MSRA: variants seen among roughly 807,000 people sequenced by gnomAD.
MSRA encodes the protein methionine sulfoxide reductase A.
Under a neutral mutation model 31.3 loss-of-function variants are expected in MSRA, and 54 were observed. The ratio of observed to expected loss-of-function variants is 1.73; its 90% CI spans 1.39 to 2.17. MSRA has a LOEUF of 2.17. Among genes scored for constraint, MSRA ranks in the 30% most tolerant of loss-of-function variants. MSRA has a pLI of 0.00. For synonymous variants in MSRA, 169 were observed against 116.5 expected, an observed-to-expected ratio of 1.45 and a Z score of -2.90; for missense variants, 507 against 300.9, an observed-to-expected ratio of 1.69 and a Z score of -5.07.
chr8:10,179,455 G>A (rs544397447), intron 1 of MSRA, among the ~76,000 whole-genome samples: 18 of 152,102 alleles, frequency 1.2e-4, no homozygotes, highest in Non-Finnish European at 2.9e-5. Context: ...AATGCATATT[G>A]CATCTGTGTA....
At chr8:10,124,734 G>A (rs1447486907) in intron 1 of MSRA, among the ~76,000 whole-genome samples, 1 of 152,014 alleles carries the variant, frequency 6.6e-6, no homozygotes, top group African/African-American at 2.4e-5. Flanking sequence ...TATTATTCGA[G>A]GATGCAGAGA....
chr8:10,121,150 T>G (rs1273506538), intron 1 of MSRA, among the ~76,000 whole-genome samples: 1 of 152,136 alleles, frequency 6.6e-6, no homozygotes, highest in Non-Finnish European at 1.5e-5. Flanking sequence ...AACAATAAGT[T>G]TGTCGATGGT....
At chr8:10,327,289 A>G (rs1249647103) in intron 5 of MSRA, among the ~76,000 whole-genome samples, 1 of 152,188 alleles carries the variant, frequency 6.6e-6, no homozygotes, top group Non-Finnish European at 1.5e-5. Context: ...TATCATCAGT[A>G]TATAGCTACA....
At chr8:10,364,535 GA>G (rs1366297647) in intron 5 of MSRA, among the ~76,000 whole-genome samples, 3 of 152,166 alleles carry the variant, frequency 2.0e-5, no homozygotes, top group Admixed American at 6.5e-5. Context: ...TGGAGGAAAT[GA>G]AAAATAGCCT....
intron 1 of MSRA, among the ~76,000 whole-genome samples, chr8:10,198,774 C>A (rs1210106637): frequency 1.3e-5 from 2 of 152,158 alleles, no homozygotes; most frequent in Non-Finnish European, 2.9e-5. Context: ...CAGGTGCACA[C>A]CACCATGCCT....
At chr8:10,090,821 A>G (rs766768382) in intron 1 of MSRA, among the ~76,000 whole-genome samples, 3 of 152,188 alleles carry the variant, frequency 2.0e-5, no homozygotes, top group African/African-American at 7.2e-5. Context: ...TTCATTTAGC[A>G]TACTTTTTTC....
At chr8:10,150,506 T>G (rs1384250686) in intron 1 of MSRA, among the ~76,000 whole-genome samples, 1 of 152,176 alleles carries the variant, frequency 6.6e-6, no homozygotes, top group Non-Finnish European at 1.5e-5. Flanking sequence ...AATTTCAAAA[T>G]GCAACCATGT....
At chr8:10,104,926 C>T (rs1437475978) in intron 1 of MSRA, among the ~76,000 whole-genome samples, 1 of 152,172 alleles carries the variant, frequency 6.6e-6, no homozygotes, top group Non-Finnish European at 1.5e-5. Flanking sequence ...GTTCTTGTCT[C>T]ACTGTATCTT....
At chr8:10,323,857 T>A (rs1453444069) in intron 5 of MSRA, among the ~76,000 whole-genome samples, 1 of 152,052 alleles carries the variant, frequency 6.6e-6, no homozygotes. Context: ...AAATAAAGAT[T>A]GGGACTCCTG....
At chr8:10,399,768 G>A (rs187773081) in intron 5 of MSRA, among the ~76,000 whole-genome samples, 12 of 152,320 alleles carry the variant, frequency 7.9e-5, no homozygotes, top group African/African-American at 2.2e-4. Flanking sequence ...TGCAATGGAC[G>A]GCAGTGGAGG....
At chr8:10,390,906 G>A (rs1806701611) in intron 5 of MSRA, among the ~76,000 whole-genome samples, 1 of 151,834 alleles carries the variant, frequency 6.6e-6, no homozygotes, top group Non-Finnish European at 1.5e-5. Flanking sequence ...AACCCGGGAG[G>A]TGGAGTTTGC....
chr8:10,209,513 CTTTCT>C (rs1157975870), intron 2 of MSRA, among the ~76,000 whole-genome samples: 2 of 152,126 alleles, frequency 1.3e-5, no homozygotes, highest in East Asian at 1.9e-4. Context: ...TGTGGCAAGT[CTTTCT>C]TTTCTTTTCT....
chr8:10,181,533 A>AAATGTATCC (rs1243644316), intron 1 of MSRA, among the ~76,000 whole-genome samples: 1 of 152,178 alleles, frequency 6.6e-6, no homozygotes, highest in African/African-American at 2.4e-5. Flanking sequence ...GTGAAGACTG[A>AAATGTATCC]AATGTATCCT....
chr8:10,343,496 C>T (rs946956530), intron 5 of MSRA, among the ~76,000 whole-genome samples: 2 of 152,116 alleles, frequency 1.3e-5, no homozygotes, highest in Non-Finnish European at 2.9e-5. Context: ...TCTTGTTTTT[C>T]CCCCAAAGTG....
intron 1 of MSRA, among the ~76,000 whole-genome samples, chr8:10,077,862 T>C (rs1238156969): frequency 6.6e-6 from 1 of 152,196 alleles, no homozygotes; most frequent in Admixed American, 6.5e-5. Flanking sequence ...TCCCCGGCCA[T>C]GTGTTAGCTG....
chr8:10,193,349 T>A (rs1181842669), intron 1 of MSRA, among the ~76,000 whole-genome samples: 1 of 152,202 alleles, frequency 6.6e-6, no homozygotes. Flanking sequence ...CCAGAGTGGG[T>A]TCAGTGTGAG....
rs536904626 is a variant in MSRA, at chr8:10,375,731, A to G, written c.544-52417A>G. Among the ~76,000 whole-genome samples the G allele has an allele frequency of 1.7e-4, 26 of 152,326 alleles. 1 individual carries two copies. In the South Asian group the frequency reaches 4.1e-3, roughly 24 times the overall value. On this transcript the variant is annotated intron_variant, in intron 5 of 5. Coordinates refer to ENST00000317173, the MANE Select transcript of MSRA (RefSeq NM_012331.5). ...CCATGCTGGTGCCTGCAACACCTCA[A>G]AGACCAACATCTTGCTTCGGGGGTT... is the stretch of plus-strand genomic sequence containing the variant.
chr8:10,309,363 G>C (rs1801310497), intron 4 of MSRA, among the ~76,000 whole-genome samples: 2 of 152,214 alleles, frequency 1.3e-5, no homozygotes, highest in Non-Finnish European at 2.9e-5. Flanking sequence ...ATAAGCGCTG[G>C]CTCTAATAGC....
At position 10,328,027 on chromosome 8, in the gene MSRA, A is replaced by ATTTTTTTT. The variant is rs35940076; in HGVS notation, c.543+8056_543+8063dup. Among the ~76,000 whole-genome samples the ATTTTTTTT allele has an allele frequency of 5.4e-4, 35 of 65,314 alleles. 2 individuals are homozygous for ATTTTTTTT. Among genetic ancestry groups the ATTTTTTTT allele is most frequent in the African/African-American group, 1.3e-3 (18 of 14,102 alleles). 42.8% of individuals were successfully genotyped at this position (65,314 alleles called of 152,430 possible). A position where few individuals can be genotyped will look rare whatever the true frequency, so the allele number is the denominator to read the frequency against. On this transcript the variant is annotated intron_variant, in intron 5 of 5. Transcript: ENST00000317173. ...TAGTTTGAATACCATCTCTATGGTAATTTTTTTTTTTTTTTTTTTTTTTTT... is the reference window on the plus strand; with the variant it reads ...TAGTTTGAATACCATCTCTATGGTAATTTTTTTTTTTTTTTTTTTTTTTTTTTTTTTTT...
Sources: gnomAD v4.1 joint callset for allele counts (sites outside exome capture counted in the v4.1 genomes callset) on GRCh38, gnomAD v4.1.1 for gene constraint, MANE v1.5 for transcripts, NCBI Gene and HGNC (gene_info 2026-07-23, HGNC 2026-07-21) for gene names.